The following CDH13 variants were observed in gnomAD, a reference collection of about 807,000 sequenced individuals.
CDH13 encodes the protein cadherin-13.
A neutral mutation model predicts 63.8 loss-of-function variants in CDH13; 24 were observed. The observed-to-expected ratio is 0.38, with a 90% confidence interval of 0.27 to 0.53. The LOEUF (loss-of-function observed/expected upper bound fraction) is 0.53. Ranked by LOEUF, CDH13 falls within the 20% of genes least tolerant of loss-of-function variation. The pLI, the probability that CDH13 is intolerant of heterozygous loss-of-function variation, is 0.85. For missense variants in CDH13, 1,049 were observed against 903.1 expected (o/e 1.16, Z -2.07); for synonymous variants, 503 against 355.3 (o/e 1.42, Z -4.67).
chr16:83,291,182 G>A (rs1042790111), intron 5 of CDH13, among the ~76,000 whole-genome samples: 1 of 152,142 alleles, frequency 6.6e-6, no homozygotes, highest in Non-Finnish European at 1.5e-5. Context: ...ATTAATGAAT[G>A]GAAGAATTAA....
At position 83,442,143 on chromosome 16, in the gene CDH13, C is replaced by T. The variant is rs115089826; in HGVS notation, c.782-44334C>T. Reference sequence around the variant, plus strand: ...TGGTTATCACCATGCTCCTCCAATGCCACCTGCGTCTTAGCTCTGGGTTTA... The same window carrying T: ...TGGTTATCACCATGCTCCTCCAATGTCACCTGCGTCTTAGCTCTGGGTTTA... On this transcript the variant is annotated intron_variant, in intron 6 of 13. Transcript: ENST00000567109. Among the ~76,000 whole-genome samples the T allele has an allele frequency of 2.8e-3, 430 of 152,254 alleles. 1 individual carries two copies. Among genetic ancestry groups the T allele is most frequent in the African/African-American group, 9.9e-3 (411 of 41,542 alleles).
At chr16:83,541,660 G>T (rs1311729614) in intron 7 of CDH13, among the ~76,000 whole-genome samples, 1 of 152,222 alleles carries the variant, frequency 6.6e-6, no homozygotes, top group African/African-American at 2.4e-5. Flanking sequence ...CAAGATGGAA[G>T]GACCTGAATC....
At chr16:83,088,355 A>C (rs2033718389) in intron 3 of CDH13, among the ~76,000 whole-genome samples, 1 of 152,210 alleles carries the variant, frequency 6.6e-6, no homozygotes, top group East Asian at 1.9e-4. Context: ...AAAACAATGG[A>C]GCAAAAAGCA....
chr16:82,937,243 C>T (rs1269271277), intron 2 of CDH13, among the ~76,000 whole-genome samples: 1 of 152,138 alleles, frequency 6.6e-6, no homozygotes, highest in South Asian at 2.1e-4. Flanking sequence ...TAGGTGCTAG[C>T]CTCACAGATA....
chr16:82,639,538 C>G (rs1909127793), intron 1 of CDH13: 3 of 982,552 alleles, frequency 3.1e-6, no homozygotes, highest in Non-Finnish European at 4.7e-6. Flanking sequence ...ACCCTGTTGC[C>G]TAAGTCAGTG....
intron 7 of CDH13, among the ~76,000 whole-genome samples, chr16:83,502,882 G>A (rs1378439776): frequency 2.0e-5 from 3 of 152,210 alleles, no homozygotes; most frequent in African/African-American, 7.2e-5. Context: ...CATCGACAGT[G>A]GGGTCTCCCT....
chr16:82,667,296 A>G (rs562339854), intron 1 of CDH13, among the ~76,000 whole-genome samples: 1 of 152,324 alleles, frequency 6.6e-6, no homozygotes, highest in East Asian at 1.9e-4. Flanking sequence ...GAGTGAAGGA[A>G]GAGGGGATTG....
intron 4 of CDH13, among the ~76,000 whole-genome samples, chr16:83,216,052 T>C (rs2039497325): frequency 2.0e-5 from 3 of 150,632 alleles, no homozygotes; most frequent in Admixed American, 1.3e-4. Context: ...CATATGCCAG[T>C]AACTCACGAT....
chr16:83,724,501 G>T (rs1910141687), intron 10 of CDH13, among the ~76,000 whole-genome samples: 1 of 152,030 alleles, frequency 6.6e-6, no homozygotes, highest in African/African-American at 2.4e-5. Flanking sequence ...ATGGGTGAGT[G>T]ATAAATGCAT....
chr16:83,042,054 C>G (rs938672458), intron 3 of CDH13, among the ~76,000 whole-genome samples: 1 of 152,170 alleles, frequency 6.6e-6, no homozygotes, highest in Non-Finnish European at 1.5e-5. Context: ...CTACTCTGAG[C>G]CAACTGTTTG....
intron 1 of CDH13, among the ~76,000 whole-genome samples, chr16:82,794,946 C>T (rs1195280893): frequency 2.6e-5 from 4 of 152,132 alleles, no homozygotes; most frequent in Non-Finnish European, 5.9e-5. Flanking sequence ...GGTTGGTCTA[C>T]GAAAACCATT....
chr16:82,883,279 A>G (rs1242519231), intron 2 of CDH13, among the ~76,000 whole-genome samples: 1 of 152,228 alleles, frequency 6.6e-6, no homozygotes, highest in African/African-American at 2.4e-5. Context: ...AATGCTTTCT[A>G]TATTAGCTGT....
intron 4 of CDH13, among the ~76,000 whole-genome samples, chr16:83,216,422 ATATATAT>A (rs1567513965): frequency 6.2e-5 from 6 of 97,554 alleles, no homozygotes; most frequent in African/African-American, 1.1e-4. Context: ...ATATATATAT[ATATATAT>A]ATATATATAT....
At chr16:83,419,429 T>C (rs1215093045) in intron 6 of CDH13, among the ~76,000 whole-genome samples, 2 of 152,178 alleles carry the variant, frequency 1.3e-5, no homozygotes, top group Non-Finnish European at 2.9e-5. Flanking sequence ...TTGTGTGAAT[T>C]ATCTTATTTA....
intron 11 of CDH13, among the ~76,000 whole-genome samples, chr16:83,762,159 C>T (rs1412585971): frequency 6.6e-6 from 1 of 152,158 alleles, no homozygotes; most frequent in Admixed American, 6.6e-5. Context: ...TTTGCTACAT[C>T]AAAACTGGCT....
chr16:82,998,989 A>C (rs1425441459), intron 2 of CDH13, among the ~76,000 whole-genome samples: 1 of 151,736 alleles, frequency 6.6e-6, no homozygotes, highest in Non-Finnish European at 1.5e-5. Context: ...ATTTATCTTA[A>C]TCAAGTTTCT....
chr16:82,905,604 T>C (rs373677506), intron 2 of CDH13, among the ~76,000 whole-genome samples: 2 of 152,264 alleles, frequency 1.3e-5, no homozygotes, highest in South Asian at 4.1e-4. Flanking sequence ...CTCATACAAA[T>C]ATAACATAAG....
chr16:83,215,972 C>A (rs2039491504), intron 4 of CDH13, among the ~76,000 whole-genome samples: 1 of 151,750 alleles, frequency 6.6e-6, no homozygotes, highest in Non-Finnish European at 1.5e-5. Flanking sequence ...AGTTGCACAT[C>A]TACATAAAAA....
chr16:82,772,781 C>G (rs1398762110), intron 1 of CDH13, among the ~76,000 whole-genome samples: 1 of 152,164 alleles, frequency 6.6e-6, no homozygotes, highest in Non-Finnish European at 1.5e-5. Context: ...TGTCTAACAT[C>G]ATAGTGGGAT....
Sources: allele counts gnomAD v4.1 joint callset (sites outside exome capture counted in the v4.1 genomes callset), GRCh38; gene constraint gnomAD v4.1.1; transcripts MANE v1.5; gene names NCBI Gene and HGNC (gene_info 2026-07-23, HGNC 2026-07-21).